Variants in COL22A1 observed in about 807,000 individuals in gnomAD.
The protein encoded by COL22A1 is collagen alpha-1(XXII) chain.
A neutral mutation model predicts 248.9 loss-of-function variants in COL22A1; 221 were observed. The ratio of observed to expected loss-of-function variants is 0.89; its 90% CI spans 0.80 to 0.99. The LOEUF (loss-of-function observed/expected upper bound fraction) is 0.99, where lower values mean the gene tolerates loss of function less well. Among genes scored for constraint, COL22A1 ranks in the 50% least tolerant of loss-of-function variants. COL22A1 has a pLI of 0.00. For synonymous variants in COL22A1, 891 were observed against 793.4 expected (o/e 1.12, Z -2.07); for missense variants, 2,240 against 2,179.0 (o/e 1.03, Z -0.56).
chr8:138,709,069 TAATCA>T (rs1246635650), intron 30 of COL22A1, among the ~76,000 whole-genome samples: 4 of 152,240 alleles, frequency 2.6e-5, no homozygotes, highest in African/African-American at 9.6e-5. Flanking sequence ...AGAGAAATGC[TAATCA>T]AAACCACAAT....
intron 27 of COL22A1, among the ~76,000 whole-genome samples, chr8:138,718,298 T>C (rs1023889270): frequency 3.9e-5 from 6 of 152,208 alleles, no homozygotes; most frequent in African/African-American, 1.4e-4. Flanking sequence ...ACCAGAATTG[T>C]GCAAATACTC....
intron 23 of COL22A1, among the ~76,000 whole-genome samples, chr8:138,733,862 C>T (rs1274862068): frequency 1.3e-5 from 2 of 152,180 alleles, no homozygotes; most frequent in Non-Finnish European, 2.9e-5. Context: ...CCCTGATCTG[C>T]AAATTAGCCC....
chr8:138,596,961 G>A lies in COL22A1; in HGVS notation c.4375C>T (p.Pro1459Ser). Residue 1459 changes from proline to serine, a missense_variant, in exon 62 of 65, where the codon CCA (proline) becomes TCA (serine). Pro to Ser is a moderately conservative substitution (Grantham distance 74). Coordinates refer to ENST00000303045, the MANE Select transcript of COL22A1 (RefSeq NM_152888.3). ...AGCCGACGCAGGGTTTCCATGGATG[G>A]AGACTCCCCCTAGGAGGGAGGGAAG... Reference protein sequence around the residue: ...PGFPGLRGESPSMETLRRLIQ... With the variant: ...PGFPGLRGESSSMETLRRLIQ... 2 of 1,613,826 alleles carry A rather than the reference G, an allele frequency of 1.2e-6. No individual in the cohort carries two copies. Among genetic ancestry groups the A allele is most frequent in the Non-Finnish European group, 1.7e-6 (2 of 1,179,816 alleles).
Position 138,715,200 on chromosome 8 carries a change from C to T in COL22A1, c.2517+482G>A, listed in dbSNP as rs111939745. Among the ~76,000 whole-genome samples the T allele has an allele frequency of 3.6e-3, 541 of 152,174 alleles. 6 individuals are homozygous for T. The highest frequency in any genetic ancestry group is 0.012 in the African/African-American group (515 of 41,514). ...AATAAAGTTTGAGGTTTATGTCTAG[C>T]GTATTATTTTCTCAAAAAGCAGCTG... On this transcript the variant is annotated intron_variant, in intron 30 of 64. Coordinates refer to ENST00000303045, the MANE Select transcript of COL22A1 (RefSeq NM_152888.3).
intron 4 of COL22A1, among the ~76,000 whole-genome samples, chr8:138,841,586 C>T (rs1025903855): frequency 1.3e-5 from 2 of 152,062 alleles, no homozygotes; most frequent in Admixed American, 1.3e-4. Flanking sequence ...CATGAGTAAG[C>T]TAGGACAGAA....
chr8:138,596,607 A>G (rs1386573261), intron 62 of COL22A1, among the ~76,000 whole-genome samples: 1 of 152,250 alleles, frequency 6.6e-6, no homozygotes, highest in Admixed American at 6.5e-5. Flanking sequence ...TACAGACTAG[A>G]TAAATGGCTC....
chr8:138,848,792 CTG>C (rs1821427713), intron 3 of COL22A1, among the ~76,000 whole-genome samples: 1 of 152,154 alleles, frequency 6.6e-6, no homozygotes, highest in Admixed American at 6.5e-5. Context: ...AGAAATGTCT[CTG>C]TATTTGAATA....
chr8:138,689,527 C>A (rs1174676189), intron 36 of COL22A1, among the ~76,000 whole-genome samples: 2 of 152,048 alleles, frequency 1.3e-5, no homozygotes, highest in African/African-American at 2.4e-5. Flanking sequence ...ACCAGCCTGG[C>A]CAACATGGTG....
intron 42 of COL22A1, among the ~76,000 whole-genome samples, 172 bp downstream of exon 42, chr8:138,663,533 C>T (rs1407747493): frequency 1.3e-5 from 2 of 152,196 alleles, no homozygotes; most frequent in Non-Finnish European, 2.9e-5. Flanking sequence ...GTACATCTAT[C>T]ACACTGTATT....
At chr8:138,837,638 T>C (rs72731625) in intron 4 of COL22A1, among the ~76,000 whole-genome samples, 5,541 of 152,222 alleles carry the variant, frequency 0.036, 124 homozygotes, top group African/African-American at 0.058. Flanking sequence ...TGCCCCTGTA[T>C]TGGGGCCTCT....
intron 16 of COL22A1, among the ~76,000 whole-genome samples, chr8:138,768,523 A>G (rs1834090985): frequency 6.6e-6 from 1 of 152,162 alleles, no homozygotes; most frequent in East Asian, 1.9e-4. Flanking sequence ...AGCAATCACA[A>G]CGGACTCGTT....
chr8:138,858,165 C>A (rs567209272), intron 3 of COL22A1, among the ~76,000 whole-genome samples: 6 of 152,152 alleles, frequency 3.9e-5, no homozygotes, highest in Non-Finnish European at 7.3e-5. Flanking sequence ...GTGTGTGGCA[C>A]CTCCAGCCTT....
intron 49 of COL22A1, among the ~76,000 whole-genome samples, chr8:138,631,656 C>T (rs919999225): frequency 1.3e-5 from 2 of 148,942 alleles, no homozygotes; most frequent in African/African-American, 5.0e-5. Context: ...CTTGCATATG[C>T]TGTTTCTTCC....
At chr8:138,652,735 GTTTTTTTTTTTT>G (rs71316352) in intron 45 of COL22A1, among the ~76,000 whole-genome samples, 38 of 54,282 alleles carry the variant, frequency 7.0e-4, no homozygotes, top group Non-Finnish European at 1.0e-3. Context: ...TCCTTTTCTG[GTTTTTTTTTTTT>G]TTTTTTTTTT....
chr8:138,751,546 A>G, intron 21 of COL22A1, 35 bp from the exon 22 acceptor site: 1 of 1,498,664 alleles, frequency 6.7e-7, no homozygotes, highest in South Asian at 1.2e-5. Context: ...AGAGAGAGAA[A>G]CATAATGGTA....
At chr8:138,903,173 G>T (rs948945441) in intron 1 of COL22A1, among the ~76,000 whole-genome samples, 4 of 152,122 alleles carry the variant, frequency 2.6e-5, no homozygotes, top group African/African-American at 9.7e-5. Context: ...CAGTCACATG[G>T]GATCCCCACC....
intron 23 of COL22A1, among the ~76,000 whole-genome samples, chr8:138,737,095 C>G (rs10111882): frequency 0.41 from 62,235 of 152,108 alleles, 13,512 homozygotes; most frequent in African/African-American, 0.54. Context: ...GCGCTGCGGC[C>G]CACCAGGTCC....
intron 18 of COL22A1, 104 bp from the exon 19 acceptor site, chr8:138,755,933 C>T (rs1049365169): frequency 9.9e-6 from 9 of 909,076 alleles, no homozygotes; most frequent in Admixed American, 1.8e-5. Flanking sequence ...GACCACACCC[C>T]TCCCTGTGCA....
intron 54 of COL22A1, 22 bp from the exon 55 acceptor site, chr8:138,616,076 A>C: frequency 2.5e-6 from 4 of 1,602,780 alleles, no homozygotes; most frequent in Non-Finnish European, 3.4e-6. Context: ...AAAGCCTGCT[A>C]TTAGGGAAGG....
Sources: gnomAD v4.1 joint callset for allele counts (sites outside exome capture counted in the v4.1 genomes callset) on GRCh38, gnomAD v4.1.1 for gene constraint, MANE v1.5 for transcripts, NCBI Gene and HGNC (gene_info 2026-07-23, HGNC 2026-07-21) for gene names.